Variants in CSMD1 observed in about 807,000 individuals in gnomAD.
CSMD1 encodes CUB and Sushi multiple domains 1.
Under a neutral mutation model 417.5 loss-of-function variants are expected in CSMD1, and 213 were observed. The observed-to-expected ratio is 0.51, with a 90% CI of 0.46 to 0.57. The LOEUF (loss-of-function observed/expected upper bound fraction) is 0.57. CSMD1 is among the 20% of genes least tolerant of loss of function. CSMD1 has a pLI of 0.00. For missense variants in CSMD1, 6,923 were observed against 4,529.7 expected, an observed-to-expected ratio of 1.53 and a Z score of -15.17; for synonymous variants, 2,862 against 1,736.8, an observed-to-expected ratio of 1.65 and a Z score of -16.11.
At chr8:3,673,378 T>C (rs1272983802) in intron 7 of CSMD1, among the ~76,000 whole-genome samples, 2 of 152,198 alleles carry the variant, frequency 1.3e-5, no homozygotes, top group Non-Finnish European at 2.9e-5. Flanking sequence ...ATTGGAAAAT[T>C]AGCAAGAATA....
chr8:4,379,013 G>T (rs73177309), intron 3 of CSMD1, among the ~76,000 whole-genome samples: 4,272 of 152,228 alleles, frequency 0.028, 98 homozygotes, highest in East Asian at 0.055. Context: ...AAGTAGCAAA[G>T]TATCTTCTTC....
intron 3 of CSMD1, among the ~76,000 whole-genome samples, chr8:4,164,241 GA>G (rs1243116921): frequency 6.6e-6 from 1 of 151,686 alleles, no homozygotes; most frequent in Non-Finnish European, 1.5e-5. Context: ...ACAAAAGTTA[GA>G]AAAAAACAAA....
At chr8:4,608,744 C>G (rs1315444327) in intron 2 of CSMD1, among the ~76,000 whole-genome samples, 1 of 152,160 alleles carries the variant, frequency 6.6e-6, no homozygotes, top group Non-Finnish European at 1.5e-5. Context: ...GATGTGTTTT[C>G]TTTTATGAGT....
intron 3 of CSMD1, among the ~76,000 whole-genome samples, chr8:4,365,048 G>A (rs1345720282): frequency 6.6e-6 from 1 of 152,070 alleles, no homozygotes; most frequent in African/African-American, 2.4e-5. Flanking sequence ...TTTCAATTGT[G>A]AGGACATTTT....
intron 54 of CSMD1, among the ~76,000 whole-genome samples, chr8:2,983,021 G>A (rs143796561): frequency 1.3e-5 from 2 of 152,186 alleles, no homozygotes; most frequent in Admixed American, 6.5e-5. Flanking sequence ...TGCAGGATTC[G>A]TATCTATTCG....
At chr8:3,958,361 T>C (rs1812110603) in intron 5 of CSMD1, among the ~76,000 whole-genome samples, 1 of 151,826 alleles carries the variant, frequency 6.6e-6, no homozygotes, top group Non-Finnish European at 1.5e-5. Flanking sequence ...GAACATTAAC[T>C]TTTAAGCTGT....
rs1160566783 is a variant in CSMD1, at chr8:4,483,414, T to A, written c.303-63349A>T. On this transcript the variant is annotated intron_variant, in intron 2 of 69. Transcript: ENST00000635120. Reference sequence around the variant, plus strand: ...TTTTCTAAAGCTAGCTAATTACATCTAAAGATAAAAACAAGTCATTACCAT... The same window carrying A: ...TTTTCTAAAGCTAGCTAATTACATCAAAAGATAAAAACAAGTCATTACCAT... 2.6e-5 allele frequency among the ~76,000 whole-genome samples: 4 copies of A among 152,330 alleles called. No homozygotes were observed. The East Asian group carries it at 5.8e-4, about 22-fold the overall frequency.
chr8:2,948,254 C>A (rs1802387305), intron 68 of CSMD1, among the ~76,000 whole-genome samples: 1 of 151,986 alleles, frequency 6.6e-6, no homozygotes, highest in Non-Finnish European at 1.5e-5. Context: ...CTTACGTGGC[C>A]TCTCAATCTC....
chr8:3,098,324 TCAAA>T (rs1349251563), intron 46 of CSMD1, among the ~76,000 whole-genome samples: 15 of 152,228 alleles, frequency 9.9e-5, no homozygotes, highest in African/African-American at 3.6e-4. Context: ...TAGAAGCTTT[TCAAA>T]CAGATGAGCG....
At position 3,309,128 on chromosome 8, in the gene CSMD1, T is replaced by C. The variant is rs966040765; in HGVS notation, c.3632-625A>G. 2.6e-5 allele frequency among the ~76,000 whole-genome samples: 4 copies of C among 150,962 alleles called. No homozygotes were observed. The East Asian group carries it at 5.8e-4, about 22-fold the overall frequency. ...GAGCCCCAATGCCCTCTAGGACCTC[T>C]AGGAACGGGATACTCTGCTGCCTCT... On this transcript the variant is annotated intron_variant, in intron 23 of 69. Transcript: ENST00000635120.
chr8:4,490,275 C>A (rs189532741), intron 2 of CSMD1, among the ~76,000 whole-genome samples: 1 of 152,020 alleles, frequency 6.6e-6, no homozygotes, highest in Non-Finnish European at 1.5e-5. Context: ...CTGCTGACCT[C>A]GTGATCCACT....
chr8:3,630,760 C>G (rs1019541243), intron 7 of CSMD1, among the ~76,000 whole-genome samples: 1 of 152,160 alleles, frequency 6.6e-6, no homozygotes, highest in South Asian at 2.1e-4. Flanking sequence ...ACGGTGGTAG[C>G]ACTCACCATG....
chr8:3,356,228 G>C (rs191726982), intron 21 of CSMD1, among the ~76,000 whole-genome samples: 1 of 152,312 alleles, frequency 6.6e-6, no homozygotes, highest in Non-Finnish European at 1.5e-5. Flanking sequence ...TATAATTTTA[G>C]AGAAAGGAAC....
At chr8:3,254,112 T>A (rs1800470731) in intron 26 of CSMD1, among the ~76,000 whole-genome samples, 1 of 152,146 alleles carries the variant, frequency 6.6e-6, no homozygotes, top group Admixed American at 6.5e-5. Context: ...TGTAAAGGAT[T>A]TTATTTCTCC....
At chr8:3,634,385 C>T (rs936670865) in intron 7 of CSMD1, among the ~76,000 whole-genome samples, 1 of 152,200 alleles carries the variant, frequency 6.6e-6, no homozygotes, top group Non-Finnish European at 1.5e-5. Context: ...GGCACCGAGG[C>T]TCAGGAGAGC....
At chr8:3,656,491 A>G (rs1002823268) in intron 7 of CSMD1, among the ~76,000 whole-genome samples, 3 of 152,220 alleles carry the variant, frequency 2.0e-5, no homozygotes, top group African/African-American at 4.8e-5. Context: ...TGAAGCATTC[A>G]TTATGCAATA....
At chr8:4,345,671 A>T (rs985019367) in intron 3 of CSMD1, among the ~76,000 whole-genome samples, 3 of 152,160 alleles carry the variant, frequency 2.0e-5, no homozygotes, top group Non-Finnish European at 4.4e-5. Flanking sequence ...GACCTTTCTC[A>T]AGATATGAAA....
At chr8:3,872,856 G>C (rs1051760502) in intron 5 of CSMD1, among the ~76,000 whole-genome samples, 5 of 145,032 alleles carry the variant, frequency 3.4e-5, no homozygotes, top group East Asian at 2.0e-4. Context: ...AAAAAAGAAA[G>C]AAAAAAGAAA....
At chr8:3,696,769 A>G (rs1389839677) in intron 7 of CSMD1, among the ~76,000 whole-genome samples, 1 of 152,230 alleles carries the variant, frequency 6.6e-6, no homozygotes, top group Non-Finnish European at 1.5e-5. Flanking sequence ...ATATGGAAAT[A>G]AGGTCAACAG....
Sources: allele counts gnomAD v4.1 joint callset (sites outside exome capture counted in the v4.1 genomes callset), GRCh38; gene constraint gnomAD v4.1.1; transcripts MANE v1.5; gene names NCBI Gene and HGNC (gene_info 2026-07-23, HGNC 2026-07-21).